Variants in C12orf42 observed in about 807,000 individuals in gnomAD.
The protein encoded by C12orf42 is uncharacterized protein C12orf42.
Under a neutral mutation model 21.6 loss-of-function variants are expected in C12orf42, and 25 were observed. That is an observed-to-expected ratio of 1.16 (90% CI 0.84 to 1.62). The LOEUF (loss-of-function observed/expected upper bound fraction) is 1.62, where lower values mean the gene tolerates loss of function less well. Among genes scored for constraint, C12orf42 ranks in the 40% most tolerant of loss-of-function variants. C12orf42 has a pLI of 0.00. For missense variants in C12orf42, 483 were observed against 459.3 expected, an observed-to-expected ratio of 1.05 and a Z score of -0.47; for synonymous variants, 174 against 175.0, an observed-to-expected ratio of 0.99 and a Z score of 0.05.
chr12:103,090,264 C>G, the C12orf42 span, among the ~76,000 whole-genome samples: 1 of 152,098 alleles, frequency 6.6e-6, no homozygotes, highest in Admixed American at 6.5e-5. Context: ...TCTGGCGACA[C>G]AGGGGAAGTG....
At chr12:103,117,608 TG>T in the C12orf42 span, among the ~76,000 whole-genome samples, 1 of 152,256 alleles carries the variant, frequency 6.6e-6, no homozygotes, top group African/African-American at 2.4e-5. Flanking sequence ...GAAGTGTTTT[TG>T]CCTGTTGCTA....
chr12:103,304,363 T>A (rs1354625608), intron 5 of C12orf42, among the ~76,000 whole-genome samples: 1 of 152,074 alleles, frequency 6.6e-6, no homozygotes, highest in Admixed American at 6.5e-5. Flanking sequence ...AACGAGCAAG[T>A]GAATGAATAA....
chr12:103,415,617 T>C (rs1274597273), intron 2 of C12orf42, among the ~76,000 whole-genome samples: 1 of 152,148 alleles, frequency 6.6e-6, no homozygotes, highest in African/African-American at 2.4e-5. Flanking sequence ...GAAATCAATA[T>C]CAAGTGCTTT....
At chr12:103,150,840 T>C in the C12orf42 span, among the ~76,000 whole-genome samples, 1 of 152,360 alleles carries the variant, frequency 6.6e-6, no homozygotes, top group South Asian at 2.1e-4. Context: ...CATATACATA[T>C]ATTTTTCATC....
the C12orf42 span, among the ~76,000 whole-genome samples, chr12:103,540,709 CTG>C: frequency 6.6e-6 from 1 of 152,094 alleles, no homozygotes; most frequent in Non-Finnish European, 1.5e-5. Flanking sequence ...TAGCATGTGA[CTG>C]TATTTTTTTA....
chr12:103,539,999 GT>G, the C12orf42 span, among the ~76,000 whole-genome samples: 7 of 151,020 alleles, frequency 4.6e-5, no homozygotes, highest in Non-Finnish European at 1.0e-4. Flanking sequence ...GTCGTTTTTT[GT>G]TTTTGTTTTT....
chr12:103,145,765 T>C, the C12orf42 span, among the ~76,000 whole-genome samples: 1 of 152,158 alleles, frequency 6.6e-6, no homozygotes, highest in Non-Finnish European at 1.5e-5. Context: ...CTATGGTACA[T>C]CAAAATGATG....
intron 4 of C12orf42, among the ~76,000 whole-genome samples, chr12:103,319,578 G>A (rs1236621131): frequency 1.3e-5 from 2 of 152,222 alleles, no homozygotes; most frequent in African/African-American, 2.4e-5. Context: ...ACTGTGGAAA[G>A]CCTGAAAATA....
chr12:103,139,402 G>C, the C12orf42 span, among the ~76,000 whole-genome samples: 1 of 152,094 alleles, frequency 6.6e-6, no homozygotes, highest in Non-Finnish European at 1.5e-5. Context: ...CAGAGTTCTT[G>C]TTCTGGATGT....
chr12:103,554,535 A>T, the C12orf42 span, among the ~76,000 whole-genome samples: 1 of 151,984 alleles, frequency 6.6e-6, no homozygotes, highest in Non-Finnish European at 1.5e-5. Context: ...GTTTGTTTTC[A>T]CACTGCTATA....
At chr12:103,521,332 A>G in the C12orf42 span, among the ~76,000 whole-genome samples, 5 of 152,350 alleles carry the variant, frequency 3.3e-5, no homozygotes, top group South Asian at 4.1e-4. Flanking sequence ...AAGAGGTGCC[A>G]TCGAATACTA....
chr12:103,548,986 C>T, the C12orf42 span: 1 of 152,200 alleles, frequency 6.6e-6, no homozygotes, highest in Non-Finnish European at 1.5e-5. Context: ...TTCAGGTAAC[C>T]TCACCTCTAT....
At chr12:103,056,055 G>C in the C12orf42 span, among the ~76,000 whole-genome samples, 2 of 151,940 alleles carry the variant, frequency 1.3e-5, no homozygotes, top group Admixed American at 1.3e-4. Context: ...AGATTTTTTT[G>C]GTGAAGGTTT....
chr12:103,189,266 T>C, the C12orf42 span, among the ~76,000 whole-genome samples: 1 of 152,124 alleles, frequency 6.6e-6, no homozygotes, highest in African/African-American at 2.4e-5. Context: ...AGAGTGTCTG[T>C]AGAATAAAAC....
At chr12:103,354,105 A>G (rs2043325626) in intron 4 of C12orf42, among the ~76,000 whole-genome samples, 1 of 152,158 alleles carries the variant, frequency 6.6e-6, no homozygotes, top group African/African-American at 2.4e-5. Flanking sequence ...GAGAAGCAAC[A>G]ATGAGTCATC....
the C12orf42 span, among the ~76,000 whole-genome samples, chr12:103,066,902 C>G: frequency 6.6e-6 from 1 of 152,308 alleles, no homozygotes; most frequent in South Asian, 2.1e-4. Context: ...CACCACCCAG[C>G]CTCTTTACCC....
At chr12:103,232,780 T>C (rs1467231693), downstream of C12orf42, among the ~76,000 whole-genome samples, 2 of 152,138 alleles carry the variant, frequency 1.3e-5, no homozygotes, top group African/African-American at 4.8e-5. Flanking sequence ...TTTTAATTAA[T>C]TTTAGTAAAA....
At chr12:103,421,000 C>G (rs991893266) in intron 2 of C12orf42, among the ~76,000 whole-genome samples, 1 of 152,174 alleles carries the variant, frequency 6.6e-6, no homozygotes, top group Admixed American at 6.5e-5. Context: ...TTTTCAAAAT[C>G]TTTTATTTTA....
intron 2 of C12orf42, among the ~76,000 whole-genome samples, chr12:103,408,352 G>C (rs1052657330): frequency 6.6e-6 from 1 of 152,184 alleles, no homozygotes; most frequent in South Asian, 2.1e-4. Flanking sequence ...TAAATAATTA[G>C]AGAGATCTGG....
Sources: allele counts gnomAD v4.1 joint callset (sites outside exome capture counted in the v4.1 genomes callset), GRCh38; gene constraint gnomAD v4.1.1; transcripts MANE v1.5; gene names NCBI Gene and HGNC (gene_info 2026-07-23, HGNC 2026-07-21).